RBM15: variants seen among roughly 807,000 people sequenced by gnomAD.
The protein encoded by RBM15 is RNA-binding protein 15.
In RBM15, 8 loss-of-function variants were observed where a neutral mutation model predicts 62.6. That is an observed-to-expected ratio of 0.13 (90% confidence interval 0.07 to 0.23). The LOEUF is 0.23. Ranked by LOEUF, RBM15 falls within the 10% of genes least tolerant of loss-of-function variation. The pLI, the probability that RBM15 is intolerant of heterozygous loss-of-function variation, is 1.00. For missense variants in RBM15, 1,144 were observed against 1,286.5 expected (o/e 0.89, Z 1.69); for synonymous variants, 606 against 505.7 (o/e 1.20, Z -2.66).
chr1:110,339,547 A>G lies in RBM15; in HGVS notation c.142A>G (p.Lys48Glu), dbSNP rs1256565360. ...DLRRPATMKG[K>E]ERSPVKAKRS... ...CCGACGACCCGCAACAATGAAGGGA[A>G]AAGAGCGCTCGCCAGTGAAGGCCAA... The change falls in exon 1 of 3, where the codon AAA becomes GAA. Residue 48 changes from lysine (K) to glutamate (E), a missense_variant. Lys to Glu is a moderately conservative substitution (Grantham distance 56, BLOSUM62 1). Coordinates refer to ENST00000369784, the MANE Select transcript of RBM15 (RefSeq NM_022768.5). 2 of 1,605,124 alleles carry G rather than the reference A, an allele frequency of 1.2e-6. No individual in the cohort carries two copies. Among genetic ancestry groups the G allele is most frequent in the Non-Finnish European group, 1.7e-6 (2 of 1,173,600 alleles).
chr1:110,339,704 T>C lies in RBM15; in HGVS notation c.299T>C (p.Leu100Pro), dbSNP rs779363191. Reference sequence around the variant, plus strand: ...GGTGGGTCGCGGCGGAGTCTCCACCTGGACAAGTCCAGCAGTCGAGGTGGC... The same window carrying C: ...GGTGGGTCGCGGCGGAGTCTCCACCCGGACAAGTCCAGCAGTCGAGGTGGC... Reference protein sequence around the residue: ...SGGGSRRSLHLDKSSSRGGSR... With the variant: ...SGGGSRRSLHPDKSSSRGGSR... Residue 100 changes from leucine to proline, a missense_variant, in exon 1 of 3, where the codon CTG becomes CCG. Leu to Pro is a moderately conservative substitution (Grantham distance 98). This residue lies in a region of RBM15 where 298 missense variants were observed against 250.0 expected (regional missense o/e 1.19). Transcript: ENST00000369784. 3 of 1,612,956 alleles carry C rather than the reference T, an allele frequency of 1.9e-6. No individual in the cohort carries two copies. Among genetic ancestry groups the C allele is most frequent in the Non-Finnish European group, 2.5e-6 (3 of 1,179,880 alleles).
intron 1 of RBM15, among the ~76,000 whole-genome samples, chr1:110,344,797 AT>A (rs1331488551): frequency 6.6e-6 from 1 of 152,064 alleles, no homozygotes; most frequent in Non-Finnish European, 1.5e-5. Flanking sequence ...GTAACAACCA[AT>A]TTTTTTCTAT....
chr1:110,344,734 G>A (rs1660866695), intron 1 of RBM15, among the ~76,000 whole-genome samples: 1 of 151,972 alleles, frequency 6.6e-6, no homozygotes, highest in Non-Finnish European at 1.5e-5. Flanking sequence ...GTCTAAAACC[G>A]GTTCTACTTC....
At chr1:110,344,907 A>G (rs2100941865) in intron 1 of RBM15, among the ~76,000 whole-genome samples, 1 of 152,326 alleles carries the variant, frequency 6.6e-6, no homozygotes, top group East Asian at 1.9e-4. Flanking sequence ...ACTATTAAGT[A>G]TTATTGGTAA....
In RBM15 at chr1:110,340,280, C is replaced by T. The variant is rs763389641; in HGVS notation, c.875C>T (p.Ser292Leu). 1.9e-6 allele frequency: 3 copies of T among 1,614,240 alleles called. No individual in the cohort carries two copies. The highest frequency in any genetic ancestry group is 2.5e-6 in the Non-Finnish European group (3 of 1,180,046). ...HPPGGGGGQR[S>L]LSPGGAALGY... ...CCTGGAGGTGGTGGAGGCCAGAGAT[C>T]ACTTTCCCCTGGTGGCGCTGCTTTG... The change falls in exon 1 of 3, where the codon TCA (serine) becomes TTA (leucine). Residue 292 changes from serine to leucine, a missense_variant. Physicochemically the swap from Ser to Leu is moderately radical, Grantham distance 145 (BLOSUM62 -2). Coordinates refer to ENST00000369784, the MANE Select transcript of RBM15 (RefSeq NM_022768.5). The surrounding 1 kb of genome is among the most constrained non-coding windows in gnomAD (Gnocchi z 5.8).
chr1:110,342,680 C>G (rs775845277), intron 1 of RBM15: 1 of 178,556 alleles, frequency 5.6e-6, no homozygotes, highest in Non-Finnish European at 1.2e-5. Flanking sequence ...AGAGTAATAG[C>G]CACCTAAAAA....
chr1:110,344,373 TTTTA>T (rs1340575647), intron 1 of RBM15, among the ~76,000 whole-genome samples: 1 of 152,188 alleles, frequency 6.6e-6, no homozygotes, highest in Non-Finnish European at 1.5e-5. Context: ...AAAATGTGTG[TTTTA>T]TTTCTTTTCT....
rs753697390 is a variant in RBM15, at chr1:110,339,603, C to T, written c.198C>T (p.Ser66=). The stretch of plus-strand genomic sequence containing the variant: ...CCCGTGGTGGTGAGGACTCGACTTC[C>T]CGCGGTGAGCGGAGCAAGAAGTTAG... ...KRSRGGEDST[S]RGERSKKLGG... The change falls in exon 1 of 3, where the codon TCC becomes TCT. Residue 66 remains serine (S), a synonymous_variant. Coordinates refer to ENST00000369784, the MANE Select transcript of RBM15 (RefSeq NM_022768.5). The T allele has an allele frequency of 3.7e-6, 6 of 1,609,540 alleles. No individual in the cohort carries two copies. Among genetic ancestry groups the T allele is most frequent in the African/African-American group, 2.7e-5 (2 of 74,960 alleles).
At position 110,341,898 on chromosome 1, in the gene RBM15, C is replaced by G. The variant is rs766616667; in HGVS notation, c.2493C>G (p.Ile831Met). The stretch of plus-strand genomic sequence containing the variant: ...GAGGCAAAGTGGCCCAGCTCAAGAT[C>G]ACTCAGCGTCTCCGTTTGGACCAGC... The part of the protein sequence containing the change: ...STGGKVAQLK[I>M]TQRLRLDQPK... Residue 831 changes from isoleucine to methionine, a missense_variant, in exon 1 of 3, where the codon ATC becomes ATG. Ile to Met is a conservative substitution (Grantham distance 10). Transcript: ENST00000369784. This position sits in a 1 kb window ranked among gnomAD's most constrained non-coding sequence, Gnocchi z 4.5. 1 of 1,614,220 alleles carries G rather than the reference C, an allele frequency of 6.2e-7. No individual in the cohort carries two copies. Among genetic ancestry groups the G allele is most frequent in the Non-Finnish European group, 8.5e-7 (1 of 1,180,044 alleles).
chr1:110,346,217 T>C, intron 2 of RBM15, 91 bp from the exon 3 acceptor site: 4 of 1,328,676 alleles, frequency 3.0e-6, no homozygotes, highest in Middle Eastern at 2.3e-4. Context: ...GTTAATGTTA[T>C]GTTCATCTAT....
chr1:110,343,033 G>C (rs1660833288), intron 1 of RBM15, among the ~76,000 whole-genome samples: 1 of 152,158 alleles, frequency 6.6e-6, no homozygotes, highest in African/African-American at 2.4e-5. Context: ...GAATTCTTTG[G>C]TCAGTTATTG....
chr1:110,341,753 A>G lies in RBM15; in HGVS notation c.2348A>G (p.Lys783Arg), dbSNP rs774336541. ...GTAPVASASP[K>R]LCLAWQGMLL... Reference sequence around the variant, plus strand: ...GCCCCTGTGGCATCAGCCTCTCCCAAACTCTGTTTGGCCTGGCAGGGCATG... The same window carrying G: ...GCCCCTGTGGCATCAGCCTCTCCCAGACTCTGTTTGGCCTGGCAGGGCATG... The change falls in exon 1 of 3, where the codon AAA (lysine) becomes AGA (arginine). Residue 783 changes from lysine to arginine, a missense_variant. Lys to Arg is a conservative substitution (Grantham distance 26). Coordinates refer to ENST00000369784, the MANE Select transcript of RBM15 (RefSeq NM_022768.5). This position sits in a 1 kb window ranked among gnomAD's most constrained non-coding sequence, Gnocchi z 4.5. 2.5e-6 allele frequency: 4 copies of G among 1,614,084 alleles called. No homozygotes were observed. Among genetic ancestry groups the G allele is most frequent in the Non-Finnish European group, 2.5e-6 (3 of 1,180,000 alleles).
In RBM15 at chr1:110,346,601, T is replaced by TC. The variant is rs1452734756; in HGVS notation, c.*334_*335insC. On this transcript the variant is annotated 3_prime_UTR_variant, in exon 3 of 3. Coordinates refer to ENST00000369784, the MANE Select transcript of RBM15 (RefSeq NM_022768.5). ...TTTTATGGCTCACACAGCTTAAGAG[T>TC]AGCTGTCTCTCAAACGTGCGCTCAC... 1 of 480,434 alleles carries TC rather than the reference T, an allele frequency of 2.1e-6. No homozygotes were observed. Among genetic ancestry groups the TC allele is most frequent in the East Asian group, 3.2e-5 (1 of 31,292 alleles). The allele number at this position is 480,434 out of a possible 1,614,324, so 29.8% of individuals were successfully genotyped here.
At position 110,340,545 on chromosome 1, in the gene RBM15, C is replaced by T. The variant is rs760804017; in HGVS notation, c.1140C>T (p.Asn380=). ...QRANRTLFLG[N]LDITVTESDL... is the part of the protein sequence containing the mutation. ...CTAACCGGACGCTCTTCTTGGGCAA[C>T]CTAGACATCACTGTAACGGAGAGTG... The change falls in exon 1 of 3, where the codon AAC becomes AAT. Residue 380 remains asparagine (N), a synonymous_variant. Transcript: ENST00000369784. This position sits in a 1 kb window ranked among gnomAD's most constrained non-coding sequence, Gnocchi z 5.8. The T allele has an allele frequency of 1.2e-6, 2 of 1,614,158 alleles. No homozygotes were observed. The highest frequency in any genetic ancestry group is 1.7e-6 in the Non-Finnish European group (2 of 1,180,022).
At chr1:110,344,221 T>G (rs925189826) in intron 1 of RBM15, among the ~76,000 whole-genome samples, 6 of 152,206 alleles carry the variant, frequency 3.9e-5, no homozygotes, top group Non-Finnish European at 7.4e-5. Flanking sequence ...GCTCATAGTA[T>G]AATTTGTGGC....
At position 110,341,705 on chromosome 1, in the gene RBM15, C is replaced by T. The variant is rs778342367; in HGVS notation, c.2300C>T (p.Ser767Phe). 1.2e-6 allele frequency: 2 copies of T among 1,614,216 alleles called. No homozygotes were observed. Among genetic ancestry groups the T allele is most frequent in the Non-Finnish European group, 8.5e-7 (1 of 1,180,034 alleles). ...GCTTCCTCCAAGCTGAAGTCCCCGT[C>T]CCAGAAACAGGATGGGGGGACAGCC... ...STASSKLKSP[S>F]QKQDGGTAPV... The change falls in exon 1 of 3, where the codon TCC becomes TTC. Residue 767 changes from serine to phenylalanine, a missense_variant. Ser to Phe is a radical substitution (Grantham distance 155, BLOSUM62 -2). Around this residue, in one of 8 missense-constraint regions of RBM15, gnomAD observed 360 missense variants for 342.9 expected, o/e 1.05. Transcript: ENST00000369784. The surrounding 1 kb of genome is among the most constrained non-coding windows in gnomAD (Gnocchi z 4.5).
chr1:110,342,432 GAC>G, intron 1 of RBM15, 164 bp downstream of exon 1: 1 of 533,202 alleles, frequency 1.9e-6, no homozygotes, highest in South Asian at 4.5e-5. Context: ...TAGAAATCAG[GAC>G]AGTTTAGCTA....
Position 110,339,708 on chromosome 1 carries a change from C to G in RBM15, c.303C>G (p.Asp101Glu), listed in dbSNP as rs1557890521. 1.2e-6 allele frequency: 2 copies of G among 1,612,894 alleles called. No homozygotes were observed. Among genetic ancestry groups the G allele is most frequent in the Non-Finnish European group, 1.7e-6 (2 of 1,179,900 alleles). ...GGGSRRSLHL[D>E]KSSSRGGSRE... Reference sequence around the variant, plus strand: ...GGTCGCGGCGGAGTCTCCACCTGGACAAGTCCAGCAGTCGAGGTGGCAGCC... The same window carrying G: ...GGTCGCGGCGGAGTCTCCACCTGGAGAAGTCCAGCAGTCGAGGTGGCAGCC... The change falls in exon 1 of 3, where the codon GAC (aspartate) becomes GAG (glutamate). Residue 101 changes from aspartate to glutamate, a missense_variant. This residue lies in a region of RBM15 where 298 missense variants were observed against 250.0 expected (regional missense o/e 1.19). Coordinates refer to ENST00000369784, the MANE Select transcript of RBM15 (RefSeq NM_022768.5).
At chr1:110,343,785 C>A (rs1052317493) in intron 1 of RBM15, among the ~76,000 whole-genome samples, 1 of 152,108 alleles carries the variant, frequency 6.6e-6, no homozygotes, top group East Asian at 1.9e-4. Context: ...TAACTTGAAG[C>A]CTGGCAGAAC....
Sources: allele counts gnomAD v4.1 joint callset (sites outside exome capture counted in the v4.1 genomes callset), GRCh38; gene constraint gnomAD v4.1.1; regional missense constraint gnomAD v4.1.1; non-coding constraint Gnocchi (gnomAD v3.1); transcripts MANE v1.5; gene names NCBI Gene and HGNC (gene_info 2026-07-23, HGNC 2026-07-21).